The following PDE4D variants were observed in gnomAD, a reference collection of about 807,000 sequenced individuals.
PDE4D encodes the protein 3',5'-cyclic-AMP phosphodiesterase 4D.
A neutral mutation model predicts 87.4 loss-of-function variants in PDE4D; 24 were observed. The ratio of observed to expected loss-of-function variants is 0.27; its 90% CI spans 0.20 to 0.39. The LOEUF (loss-of-function observed/expected upper bound fraction) is 0.39, where lower values mean the gene tolerates loss of function less well. PDE4D is among the 10% of genes least tolerant of loss of function. The pLI is 1.00. For missense variants in PDE4D, 714 were observed against 1,041.0 expected (o/e 0.69, Z 4.32); for synonymous variants, 384 against 383.2 (o/e 1.00, Z -0.02).
chr5:60,262,052 G>A (rs1749699781), intron 1 of PDE4D, among the ~76,000 whole-genome samples: 1 of 151,846 alleles, frequency 6.6e-6, no homozygotes, highest in Non-Finnish European at 1.5e-5. Context: ...CTCAGCGTAA[G>A]AAAGAACAGG....
intron 1 of PDE4D, among the ~76,000 whole-genome samples, chr5:59,491,729 T>C (rs1045475201): frequency 2.0e-5 from 3 of 152,210 alleles, no homozygotes; most frequent in African/African-American, 7.2e-5. Flanking sequence ...TCTTACTTAA[T>C]CTAACTATCT....
chr5:59,311,038 G>A (rs757848664), intron 1 of PDE4D, among the ~76,000 whole-genome samples: 41 of 152,268 alleles, frequency 2.7e-4, no homozygotes, highest in Non-Finnish European at 4.9e-4. Flanking sequence ...AGATCACAGT[G>A]TCAAAGGTAC....
At chr5:59,977,811 G>C (rs1761495065) in intron 3 of PDE4D, among the ~76,000 whole-genome samples, 1 of 152,150 alleles carries the variant, frequency 6.6e-6, no homozygotes, top group Admixed American at 6.6e-5. Flanking sequence ...TCTCCTGGTA[G>C]GAGCTAATGC....
rs561988330 is a variant in PDE4D at position 59,450,221 on chromosome 5, C to T, written c.456-234253G>A. ...AGCATGTTACACACATTACACTTAGCGTGAAAGCAAATAATATATTGGCTA... is the reference window on the plus strand; with the variant it reads ...AGCATGTTACACACATTACACTTAGTGTGAAAGCAAATAATATATTGGCTA... On this transcript the variant is annotated intron_variant, in intron 1 of 14. Transcript: ENST00000340635. 8.5e-5 allele frequency among the ~76,000 whole-genome samples: 13 copies of T among 152,304 alleles called. No homozygotes were observed. The East Asian group carries it at 1.2e-3, about 14-fold the overall frequency.
At chr5:59,466,020 A>G (rs567775133) in intron 1 of PDE4D, among the ~76,000 whole-genome samples, 1 of 152,316 alleles carries the variant, frequency 6.6e-6, no homozygotes, top group African/African-American at 2.4e-5. Flanking sequence ...ATCTGCATTC[A>G]ATGACATTTA....
chr5:59,354,818 A>T (rs1257129555), intron 1 of PDE4D, among the ~76,000 whole-genome samples: 1 of 152,258 alleles, frequency 6.6e-6, no homozygotes, highest in Non-Finnish European at 1.5e-5. Flanking sequence ...TTTATCAAAT[A>T]GGCATTACTG....
intron 2 of PDE4D, among the ~76,000 whole-genome samples, chr5:60,079,454 CCTATGTCCTG>C: frequency 1.3e-5 from 2 of 152,200 alleles, no homozygotes; most frequent in South Asian, 4.1e-4. Flanking sequence ...TTTGCCCAGG[CCTATGTCCTG>C]AATAGTATTG....
At chr5:59,334,247 G>GATTT (rs1777242239) in intron 1 of PDE4D, among the ~76,000 whole-genome samples, 1 of 98,610 alleles carries the variant, frequency 1.0e-5, no homozygotes, top group Non-Finnish European at 1.9e-5. Flanking sequence ...ATCCAGTGGA[G>GATTT]TTTTTTTTTT....
chr5:60,006,498 G>A (rs1184179662), intron 2 of PDE4D, among the ~76,000 whole-genome samples: 1 of 151,846 alleles, frequency 6.6e-6, no homozygotes, highest in Non-Finnish European at 1.5e-5. Flanking sequence ...TTTACCTAAG[G>A]CTGGCTCTAA....
At chr5:59,645,699 G>C (rs976922263) in intron 1 of PDE4D, among the ~76,000 whole-genome samples, 1 of 152,270 alleles carries the variant, frequency 6.6e-6, no homozygotes, top group Admixed American at 6.5e-5. Context: ...AGTCTGTGTG[G>C]AGTGAAGGAG....
At chr5:59,412,561 T>C (rs1792878937) in intron 1 of PDE4D, among the ~76,000 whole-genome samples, 1 of 151,984 alleles carries the variant, frequency 6.6e-6, no homozygotes, top group Non-Finnish European at 1.5e-5. Flanking sequence ...GGCAAGCACA[T>C]GAAATTGAAG....
At chr5:59,951,796 G>A (rs1309722337) in intron 3 of PDE4D, among the ~76,000 whole-genome samples, 1 of 152,120 alleles carries the variant, frequency 6.6e-6, no homozygotes, top group East Asian at 1.9e-4. Flanking sequence ...CTACAACCCA[G>A]TGGGATGTTT....
chr5:59,765,499 G>A (rs941968123), intron 1 of PDE4D, among the ~76,000 whole-genome samples: 7 of 152,204 alleles, frequency 4.6e-5, no homozygotes, highest in Admixed American at 3.9e-4. Flanking sequence ...ACAGAGCTAT[G>A]TTTCCCAGCC....
At chr5:59,449,615 T>C (rs1798848412) in intron 1 of PDE4D, among the ~76,000 whole-genome samples, 1 of 152,198 alleles carries the variant, frequency 6.6e-6, no homozygotes, top group Admixed American at 6.5e-5. Context: ...GAGAAATGTA[T>C]CAAATGATTT....
chr5:60,363,197 T>A (rs1379424692), intron 1 of PDE4D, among the ~76,000 whole-genome samples: 1 of 152,220 alleles, frequency 6.6e-6, no homozygotes, highest in African/African-American at 2.4e-5. Context: ...TGAGTGTGTA[T>A]GATTTATATA....
At chr5:60,363,231 A>G (rs1373164457) in intron 1 of PDE4D, among the ~76,000 whole-genome samples, 1 of 152,198 alleles carries the variant, frequency 6.6e-6, no homozygotes, top group Admixed American at 6.5e-5. Context: ...TTAGATTATC[A>G]TACAGTCTGA....
At chr5:59,911,918 A>G in intron 3 of PDE4D, among the ~76,000 whole-genome samples, 1 of 152,306 alleles carries the variant, frequency 6.6e-6, no homozygotes, top group Non-Finnish European at 1.5e-5. Flanking sequence ...GTTTAAATGG[A>G]TAATTTATTT....
chr5:59,878,169 G>A lies in PDE4D; in HGVS notation c.455+14999C>T, dbSNP rs114542726. Reference sequence around the variant, plus strand: ...GTTAGTTTTCATCTTTTTCAGATGAGTTGAGAAAACCAATTTAACTAAATT... The same window carrying A: ...GTTAGTTTTCATCTTTTTCAGATGAATTGAGAAAACCAATTTAACTAAATT... On this transcript the variant is annotated intron_variant, in intron 1 of 14. Coordinates refer to ENST00000340635, the MANE Select transcript of PDE4D (RefSeq NM_001104631.2). Among the ~76,000 whole-genome samples, 542 of 152,310 alleles carry A rather than the reference G, an allele frequency of 3.6e-3. 5 individuals carry two copies. The highest frequency in any genetic ancestry group is 0.013 in the African/African-American group (520 of 41,566).
chr5:59,612,225 T>C (rs887241947), intron 1 of PDE4D, among the ~76,000 whole-genome samples: 1 of 56,024 alleles, frequency 1.8e-5, no homozygotes, highest in Non-Finnish European at 3.9e-5. Context: ...ATTCCTTGAT[T>C]GACACTGTTT....
Sources: gnomAD v4.1 joint callset for allele counts (sites outside exome capture counted in the v4.1 genomes callset) on GRCh38, gnomAD v4.1.1 for gene constraint, MANE v1.5 for transcripts, NCBI Gene and HGNC (gene_info 2026-07-23, HGNC 2026-07-21) for gene names.